MCF2L: variants seen among roughly 807,000 people sequenced by gnomAD.
MCF2L encodes the protein guanine nucleotide exchange factor DBS.
A neutral mutation model predicts 153.4 loss-of-function variants in MCF2L; 97 were observed. The ratio of observed to expected loss-of-function variants is 0.63; its 90% CI spans 0.54 to 0.75. MCF2L has a LOEUF of 0.75. Among genes scored for constraint, MCF2L ranks in the 30% least tolerant of loss-of-function variants. The pLI is 0.00. For synonymous variants in MCF2L, 659 were observed against 632.2 expected (o/e 1.04, Z -0.64); for missense variants, 1,347 against 1,495.2 (o/e 0.90, Z 1.64).
chr13:113,080,723 T>A (rs916496380), intron 15 of MCF2L, among the ~76,000 whole-genome samples: 1 of 152,168 alleles, frequency 6.6e-6, no homozygotes, highest in Admixed American at 6.5e-5. Flanking sequence ...GCTCCGGCGA[T>A]GCCAGACCCC....
chr13:113,075,596 G>A (rs7981642), intron 11 of MCF2L, among the ~76,000 whole-genome samples: 34,941 of 152,010 alleles, frequency 0.23, 4,392 homozygotes, highest in East Asian at 0.48. Flanking sequence ...TCACCTCTCA[G>A]AGTGCTGGGA....
intron 3 of MCF2L, among the ~76,000 whole-genome samples, chr13:113,039,081 G>A (rs533130146): frequency 3.4e-4 from 51 of 152,048 alleles, no homozygotes; most frequent in Non-Finnish European, 6.5e-4. Flanking sequence ...GGATGGTCTC[G>A]ATCTCCTGAC....
chr13:113,056,903 A>T (rs1486143492), intron 4 of MCF2L, among the ~76,000 whole-genome samples: 1 of 76,650 alleles, frequency 1.3e-5, no homozygotes, highest in Non-Finnish European at 2.3e-5. Context: ...TTGGGTGCTG[A>T]GTGGGTGCTG....
rs1566893620 is a variant in MCF2L, at chr13:113,096,501, G to C, written c.3188+18G>C. The C allele has an allele frequency of 1.3e-6, 2 of 1,580,452 alleles. No homozygotes were observed. The highest frequency in any genetic ancestry group is 1.7e-6 in the Non-Finnish European group (2 of 1,164,672). ...GGCCTCTGGTAAGACCCCGCGCTCA[G>C]CCCCGGACTGCCCCGCACGTGGCTG... On this transcript the variant is annotated intron_variant, in intron 28 of 29. Coordinates refer to ENST00000535094, the MANE Select transcript of MCF2L (RefSeq NM_001112732.3).
At chr13:112,979,100 G>C (rs541722340) in intron 1 of MCF2L, among the ~76,000 whole-genome samples, 1 of 152,208 alleles carries the variant, frequency 6.6e-6, no homozygotes, top group East Asian at 1.9e-4. Context: ...TTCCTCCCTC[G>C]AGGAGCTCGG....
At chr13:113,083,479 T>C (rs1872427587) in intron 17 of MCF2L, among the ~76,000 whole-genome samples, 1 of 152,142 alleles carries the variant, frequency 6.6e-6, no homozygotes, top group African/African-American at 2.4e-5. Context: ...CACGCAGGGG[T>C]CCCCACAGCT....
chr13:112,982,651 G>T (rs932944518), intron 1 of MCF2L, among the ~76,000 whole-genome samples: 2 of 152,188 alleles, frequency 1.3e-5, no homozygotes, highest in Non-Finnish European at 2.9e-5. Flanking sequence ...TGCTGTGGGA[G>T]GGGGGAGACG....
intron 3 of MCF2L, among the ~76,000 whole-genome samples, chr13:113,034,357 G>A (rs1212466843): frequency 1.3e-5 from 2 of 152,082 alleles, no homozygotes; most frequent in Non-Finnish European, 1.5e-5. Flanking sequence ...GGTTGGTCTT[G>A]AACTCCTGGG....
At chr13:112,934,126 A>G (rs984788775) in intron 2 of MCF2L, among the ~76,000 whole-genome samples, 8 of 152,242 alleles carry the variant, frequency 5.3e-5, no homozygotes, top group African/African-American at 1.9e-4. Flanking sequence ...GGATCTGGCC[A>G]TTCACTTGTG....
Position 113,064,550 on chromosome 13 carries a change from TGAG to T in MCF2L, c.606+134_606+136del, listed in dbSNP as rs2032060141. The T allele has an allele frequency of 1.5e-6, 1 of 661,824 alleles. No homozygotes were observed. The highest frequency in any genetic ancestry group is 2.7e-6 in the Non-Finnish European group (1 of 369,332). 41.0% of individuals were successfully genotyped at this position (661,824 alleles called of 1,614,324 possible). ...TAACAGTCGTTTTCTTTCCCAAGAA[TGAG>T]GAGATGGTCTCAGTGGACCTTAGTC... On this transcript the variant is annotated intron_variant, in intron 6 of 29. Coordinates refer to ENST00000535094, the MANE Select transcript of MCF2L (RefSeq NM_001112732.3). The surrounding 1 kb of genome is among the most constrained non-coding windows in gnomAD (Gnocchi z 6.0).
At chr13:113,010,394 TC>T (rs2084012834) in intron 1 of MCF2L, 1 of 152,148 alleles carries the variant, frequency 6.6e-6, no homozygotes, top group Non-Finnish European at 1.5e-5. Flanking sequence ...AGACACATGG[TC>T]CCCCTCCCTG....
chr13:113,046,546 A>G lies in MCF2L; in HGVS notation c.369+1185A>G. The G allele has an allele frequency of 1.9e-6, 1 of 533,132 alleles. No individual in the cohort carries two copies. The highest frequency in any genetic ancestry group is 1.4e-5 in the South Asian group (1 of 71,542). 33.0% of individuals were successfully genotyped at this position (533,132 alleles called of 1,614,324 possible). On this transcript the variant is annotated intron_variant, in intron 4 of 29. Coordinates refer to ENST00000535094, the MANE Select transcript of MCF2L (RefSeq NM_001112732.3). The surrounding 1 kb of genome is among the most constrained non-coding windows in gnomAD (Gnocchi z 4.4). ...TGCGCCAAGGTTTGAGGTATACTGA[A>G]AAAAGTCATTCCTTTCCCCGCACAT...
At chr13:112,902,237 G>T (rs748150164) in exon 2 of MCF2L, 1 of 1,612,850 alleles carries the variant, frequency 6.2e-7, no homozygotes, top group Non-Finnish European at 8.5e-7. Context: ...CTGTGCAAGA[G>T]ACCTGGAAGC....
At chr13:112,968,625 G>T, upstream of MCF2L, 1 of 1,528,632 alleles carries the variant, frequency 6.5e-7, no homozygotes. Context: ...TTACCTGGGC[G>T]CGGCGCGGGT....
At chr13:113,007,517 A>G (rs956051762) in intron 1 of MCF2L, among the ~76,000 whole-genome samples, 9 of 152,212 alleles carry the variant, frequency 5.9e-5, no homozygotes, top group African/African-American at 2.2e-4. Flanking sequence ...TCAAATTGCA[A>G]TCCGTGTAAT....
At position 113,074,417 on chromosome 13, in the gene MCF2L, C is replaced by T. The variant is rs181526723; in HGVS notation, c.997-27C>T. 27 of 1,604,086 alleles carry T rather than the reference C, an allele frequency of 1.7e-5. No individual in the cohort carries two copies. Among genetic ancestry groups the T allele is most frequent in the Non-Finnish European group, 2.1e-5 (25 of 1,171,852 alleles). On this transcript the variant is annotated intron_variant, in intron 9 of 29. Transcript: ENST00000535094. The surrounding 1 kb of genome is among the most constrained non-coding windows in gnomAD (Gnocchi z 4.2). The stretch of plus-strand genomic sequence containing the variant: ...TCTGTTCAGGTGAGGGAGACACCCC[C>T]CTGAGATGGGCCCTCCTCTGTTCCA...
intron 4 of MCF2L, among the ~76,000 whole-genome samples, chr13:113,052,220 T>A (rs117797768): frequency 0.036 from 5,533 of 152,268 alleles, 141 homozygotes; most frequent in Middle Eastern, 0.088. Context: ...AACATTTTTT[T>A]AAAAAGATAA....
At chr13:112,896,747 G>A (rs2081071403) in intron 1 of MCF2L, among the ~76,000 whole-genome samples, 2 of 152,210 alleles carry the variant, frequency 1.3e-5, no homozygotes, top group South Asian at 2.1e-4. Context: ...TCCCAAGGAC[G>A]CTGTGAGACT....
At chr13:112,962,414 G>A (rs752155696) in intron 2 of MCF2L, among the ~76,000 whole-genome samples, 36 of 152,212 alleles carry the variant, frequency 2.4e-4, no homozygotes, top group Non-Finnish European at 4.9e-4. Context: ...ATGTGCTGGT[G>A]GGTTGCGGTC....
Sources: gnomAD v4.1 joint callset for allele counts (sites outside exome capture counted in the v4.1 genomes callset) on GRCh38, gnomAD v4.1.1 for gene constraint, Gnocchi (gnomAD v3.1) non-coding constraint, MANE v1.5 for transcripts, NCBI Gene and HGNC (gene_info 2026-07-23, HGNC 2026-07-21) for gene names.